Variants in SLC44A2 observed in about 807,000 individuals in gnomAD.
The protein encoded by SLC44A2 is choline transporter-like protein 2.
A neutral mutation model predicts 90.8 loss-of-function variants in SLC44A2; 57 were observed. The ratio of observed to expected loss-of-function variants is 0.63; its 90% confidence interval spans 0.51 to 0.78. The LOEUF (loss-of-function observed/expected upper bound fraction) is 0.78. Ranked by LOEUF, SLC44A2 falls within the 30% of genes least tolerant of loss-of-function variation. The pLI is 0.00. For synonymous variants in SLC44A2, 355 were observed against 360.7 expected (o/e 0.98, Z 0.18); for missense variants, 794 against 919.7 (o/e 0.86, Z 1.77).
intron 10 of SLC44A2, among the ~76,000 whole-genome samples, chr19:10,633,450 G>A (rs374519410): frequency 4.4e-4 from 67 of 151,650 alleles, no homozygotes; most frequent in African/African-American, 1.6e-3. Context: ...GTGAGCCACC[G>A]CGCCCAGCCT....
intron 14 of SLC44A2, chr19:10,636,055 G>A (rs141118550): frequency 0.011 from 5,058 of 476,712 alleles, 221 homozygotes; most frequent in African/African-American, 0.091. Flanking sequence ...GGGATTACAG[G>A]TGTGAGCCAC....
intron 1 of SLC44A2, among the ~76,000 whole-genome samples, chr19:10,609,604 A>G (rs781663641): frequency 3.3e-5 from 5 of 151,976 alleles, no homozygotes; most frequent in Non-Finnish European, 2.9e-5. Flanking sequence ...CTGGCGAAGT[A>G]TAATTTACAT....
In SLC44A2 at chr19:10,632,171, C is replaced by T. The variant is rs2067003940; in HGVS notation, c.823+15C>T. 1.3e-6 allele frequency: 2 copies of T among 1,598,458 alleles called. No individual in the cohort carries two copies. Among genetic ancestry groups the T allele is most frequent in the Non-Finnish European group, 1.7e-6 (2 of 1,166,000 alleles). ...GCTGGGCTACGGTGCGTCACCCCCTCCCTGTGGCTTCTCTTTCCTGAATCC... is the reference window on the plus strand; with the variant it reads ...GCTGGGCTACGGTGCGTCACCCCCTTCCTGTGGCTTCTCTTTCCTGAATCC... On this transcript the variant is annotated intron_variant, in intron 10 of 21. Transcript: ENST00000335757.
exon 1 of SLC44A2, chr19:10,602,543 C>G: frequency 7.8e-7 from 1 of 1,280,090 alleles, no homozygotes; most frequent in Non-Finnish European, 9.9e-7. Context: ...GGAGGACGAG[C>G]GGAAAAACGG....
Position 10,638,012 on chromosome 19 carries a change from G to A in SLC44A2, c.1770-11G>A. On this transcript the variant is annotated splice_polypyrimidine_tract_variant and intron_variant, in intron 18 of 21. Transcript: ENST00000335757. ...CCAGCATTCACACCTGCCCCTCACT[G>A]TCCCCTGCAGAGTGGCTGTCCTGGA... 1.2e-6 allele frequency: 2 copies of A among 1,613,950 alleles called. No individual in the cohort carries two copies. The highest frequency in any genetic ancestry group is 1.7e-6 in the Non-Finnish European group (2 of 1,179,978).
At chr19:10,638,173 G>T in intron 19 of SLC44A2, 54 bp from the exon 20 acceptor site, 23 of 1,612,148 alleles carry the variant, frequency 1.4e-5, no homozygotes, top group Non-Finnish European at 2.0e-5. Flanking sequence ...TTCTTAGGAG[G>T]CTGTTTCCTA....
chr19:10,630,034 T>C (rs2066977331), intron 4 of SLC44A2, among the ~76,000 whole-genome samples: 1 of 152,258 alleles, frequency 6.6e-6, no homozygotes, highest in East Asian at 1.9e-4. Context: ...GGATTACAGG[T>C]GTGAGTTACT....
At chr19:10,617,977 G>A (rs2066868820) in intron 1 of SLC44A2, among the ~76,000 whole-genome samples, 1 of 152,232 alleles carries the variant, frequency 6.6e-6, no homozygotes, top group South Asian at 2.1e-4. Flanking sequence ...ATAGTTTTGA[G>A]TTTTCTGTGT....
rs367897052 is a variant in SLC44A2, at chr19:10,631,763, C to T, written c.626+14C>T. On this transcript the variant is annotated intron_variant, in intron 8 of 21. Transcript: ENST00000335757. ...GGAGGGCGCCAAGTGAGGATATTGG[C>T]GCACCGCGCCAGGGTCTCACTTTGC... The T allele has an allele frequency of 4.8e-5, 77 of 1,613,834 alleles. No individual in the cohort carries two copies. The African/African-American group carries it at 5.5e-4, about 11-fold the overall frequency.
intron 1 of SLC44A2, among the ~76,000 whole-genome samples, chr19:10,609,396 T>A (rs1476923973): frequency 6.6e-6 from 1 of 152,052 alleles, no homozygotes; most frequent in Non-Finnish European, 1.5e-5. Flanking sequence ...GCCTCCTGGG[T>A]TCAAGTGATT....
intron 1 of SLC44A2, among the ~76,000 whole-genome samples, chr19:10,620,000 T>C (rs2066885062): frequency 6.6e-6 from 1 of 151,930 alleles, no homozygotes; most frequent in Non-Finnish European, 1.5e-5. Flanking sequence ...GGTGAAATCC[T>C]GTCTCTACAA....
At chr19:10,626,184 G>A (rs1311795735) in intron 1 of SLC44A2, 69 bp from the exon 2 acceptor site, 35 of 1,268,386 alleles carry the variant, frequency 2.8e-5, no homozygotes, top group Middle Eastern at 3.7e-4. Context: ...GCTTTTGGGA[G>A]GGGGCTCTCC....
intron 20 of SLC44A2, 94 bp from the exon 21 acceptor site, chr19:10,642,273 G>A (rs536672044): frequency 2.0e-6 from 2 of 1,020,188 alleles, no homozygotes; most frequent in South Asian, 1.3e-5. Context: ...TCTCAGCAGG[G>A]GAAGGATGTG....
chr19:10,620,283 C>T (rs946916113), intron 1 of SLC44A2, among the ~76,000 whole-genome samples: 1 of 152,036 alleles, frequency 6.6e-6, no homozygotes, highest in African/African-American at 2.4e-5. Context: ...CAGTTCGAGA[C>T]CAGCCTAGCA....
At chr19:10,637,568 G>C in intron 16 of SLC44A2, 76 bp from the exon 17 acceptor site, 1 of 1,311,294 alleles carries the variant, frequency 7.6e-7, no homozygotes, top group South Asian at 1.2e-5. Flanking sequence ...GCAAGTGTGT[G>C]TGATAGGGAA....
intron 1 of SLC44A2, among the ~76,000 whole-genome samples, chr19:10,608,639 TTTTA>T (rs137881917): frequency 0.18 from 26,291 of 149,488 alleles, 2,528 homozygotes; most frequent in South Asian, 0.29. Flanking sequence ...TATATATATA[TTTTA>T]TTTATTTATT....
chr19:10,625,549 G>A (rs531458534), upstream of SLC44A2: 3 of 1,231,112 alleles, frequency 2.4e-6, no homozygotes, highest in Admixed American at 4.2e-5. Context: ...CCAGTCGCGC[G>A]GTCAGTGCCT....
chr19:10,620,058 C>T (rs1262373898), intron 1 of SLC44A2, among the ~76,000 whole-genome samples: 1 of 152,072 alleles, frequency 6.6e-6, no homozygotes, highest in Non-Finnish European at 1.5e-5. Flanking sequence ...TGTGGGTAGT[C>T]CCAGCTACTC....
chr19:10,643,058 T>C (rs776233558), intron 21 of SLC44A2: 1 of 1,477,884 alleles, frequency 6.8e-7, no homozygotes, highest in Non-Finnish European at 8.9e-7. Context: ...GTTTCCTCCA[T>C]GTAGACTGGG....
Sources: gnomAD v4.1 joint callset for allele counts (sites outside exome capture counted in the v4.1 genomes callset) on GRCh38, gnomAD v4.1.1 for gene constraint, MANE v1.5 for transcripts, NCBI Gene and HGNC (gene_info 2026-07-23, HGNC 2026-07-21) for gene names.